The following GAB1 variants were observed in gnomAD, a reference collection of about 807,000 sequenced individuals.
GAB1 encodes GRB2 associated binding protein 1.
GAB1 carries 19 observed loss-of-function variants against 66.5 expected under a neutral mutation model. The observed-to-expected ratio is 0.29, with a 90% confidence interval of 0.20 to 0.42. The LOEUF (loss-of-function observed/expected upper bound fraction) is 0.42, where lower values mean the gene tolerates loss of function less well. Among genes scored for constraint, GAB1 ranks in the 10% least tolerant of loss-of-function variants. GAB1 has a pLI of 1.00. For missense variants in GAB1, 732 were observed against 858.5 expected (o/e 0.85, Z 1.84); for synonymous variants, 294 against 301.4 (o/e 0.98, Z 0.25).
At chr4:143,448,548 A>G (rs1335825747) in intron 6 of GAB1, among the ~76,000 whole-genome samples, 4 of 151,348 alleles carry the variant, frequency 2.6e-5, no homozygotes, top group African/African-American at 9.8e-5. Context: ...GAATTTATCC[A>G]TTTCTTCTAG....
chr4:143,376,478 A>G (rs1560727523), intron 1 of GAB1, among the ~76,000 whole-genome samples: 1 of 152,236 alleles, frequency 6.6e-6, no homozygotes, highest in Non-Finnish European at 1.5e-5. Flanking sequence ...TGGGCTTCAT[A>G]TGAGGCTATT....
intron 1 of GAB1, among the ~76,000 whole-genome samples, chr4:143,399,224 G>A (rs938624803): frequency 6.6e-6 from 1 of 152,180 alleles, no homozygotes; most frequent in Admixed American, 6.5e-5. Flanking sequence ...CCAGTAAATT[G>A]TCTTCTTAAA....
At chr4:143,441,133 G>A (rs892517144) in intron 6 of GAB1, among the ~76,000 whole-genome samples, 1 of 152,008 alleles carries the variant, frequency 6.6e-6, no homozygotes, top group Non-Finnish European at 1.5e-5. Flanking sequence ...AAGTTCTAAG[G>A]TAACATAGTT....
At chr4:143,351,797 G>A (rs1289466249) in intron 1 of GAB1, among the ~76,000 whole-genome samples, 1 of 152,196 alleles carries the variant, frequency 6.6e-6, no homozygotes, top group East Asian at 1.9e-4. Flanking sequence ...AAGCAGGGAT[G>A]CTACTAAACA....
At chr4:143,433,946 C>A in intron 3 of GAB1, 1 of 623,884 alleles carries the variant, frequency 1.6e-6, no homozygotes, top group Non-Finnish European at 2.7e-6. Flanking sequence ...TGGCAAAGAG[C>A]AGTTTTCCCT....
chr4:143,350,491 A>G lies in GAB1; in HGVS notation c.72+13231A>G, dbSNP rs946325144. On this transcript the variant is annotated intron_variant, in intron 1 of 9. Coordinates refer to ENST00000262994, the MANE Select transcript of GAB1 (RefSeq NM_002039.4). ...TCGGGAGACAGAGACCAGCCTGGCCAACATGGTAAAACCCCGTCTATACTA... is the reference window on the plus strand; with the variant it reads ...TCGGGAGACAGAGACCAGCCTGGCCGACATGGTAAAACCCCGTCTATACTA... 7.2e-5 allele frequency among the ~76,000 whole-genome samples: 11 copies of G among 152,212 alleles called. No homozygotes were observed. The South Asian group carries it at 2.1e-3, about 29-fold the overall frequency.
chr4:143,379,820 T>C (rs1730580593), intron 1 of GAB1, among the ~76,000 whole-genome samples: 1 of 151,886 alleles, frequency 6.6e-6, no homozygotes, highest in South Asian at 2.1e-4. Flanking sequence ...ACTCCTGGGC[T>C]CAAGCTATCC....
chr4:143,379,901 T>C (rs11100786), intron 1 of GAB1, among the ~76,000 whole-genome samples: 67,068 of 150,888 alleles, frequency 0.44, 15,414 homozygotes, highest in South Asian at 0.56. Flanking sequence ...ATGTATTAAG[T>C]AAGGTAATTT....
At chr4:143,443,265 C>A (rs775137999) in intron 6 of GAB1, among the ~76,000 whole-genome samples, 8 of 152,076 alleles carry the variant, frequency 5.3e-5, no homozygotes, top group Non-Finnish European at 1.0e-4. Flanking sequence ...ATCTACCTGC[C>A]TCGGCCTTCC....
intron 1 of GAB1, among the ~76,000 whole-genome samples, chr4:143,348,322 C>T (rs915092375): frequency 1.3e-5 from 2 of 152,200 alleles, no homozygotes; most frequent in African/African-American, 2.4e-5. Context: ...TCCAAAACTG[C>T]TTATATAGCC....
At chr4:143,391,217 G>T (rs779084907) in intron 1 of GAB1, among the ~76,000 whole-genome samples, 1 of 152,106 alleles carries the variant, frequency 6.6e-6, no homozygotes, top group Non-Finnish European at 1.5e-5. Flanking sequence ...TTTGTTCTGG[G>T]GAAGAGGAAT....
At chr4:143,434,714 A>C (rs1308504391) in intron 3 of GAB1, among the ~76,000 whole-genome samples, 1 of 152,114 alleles carries the variant, frequency 6.6e-6, no homozygotes, top group Non-Finnish European at 1.5e-5. Flanking sequence ...TGAAGGAATG[A>C]ATCATCAAGC....
intron 2 of GAB1, 26 bp from the exon 3 acceptor site, chr4:143,433,465 G>A (rs1470064982): frequency 1.3e-6 from 2 of 1,548,640 alleles, no homozygotes; most frequent in Admixed American, 1.7e-5. Flanking sequence ...TGTGATAGAC[G>A]TGATAGTTAA....
At chr4:143,436,698 T>C (rs1733959157) in intron 3 of GAB1, among the ~76,000 whole-genome samples, 1 of 152,208 alleles carries the variant, frequency 6.6e-6, no homozygotes, top group African/African-American at 2.4e-5. Context: ...GATAAAGTCA[T>C]TTCTTTCAAT....
intron 1 of GAB1, among the ~76,000 whole-genome samples, chr4:143,351,515 C>T (rs545463219): frequency 6.6e-6 from 1 of 152,244 alleles, no homozygotes; most frequent in South Asian, 2.1e-4. Flanking sequence ...TTTATAGGCA[C>T]AGGATGGGGG....
intron 8 of GAB1, among the ~76,000 whole-genome samples, chr4:143,464,725 C>T (rs1159757077): frequency 1.3e-5 from 2 of 152,208 alleles, no homozygotes; most frequent in Non-Finnish European, 2.9e-5. Context: ...AGAGCTGTCT[C>T]ACCCCAGTGC....
At chr4:143,441,067 A>G (rs904480491) in intron 6 of GAB1, among the ~76,000 whole-genome samples, 4 of 152,194 alleles carry the variant, frequency 2.6e-5, no homozygotes, top group Admixed American at 1.3e-4. Context: ...TGCTGGGGTA[A>G]TACATGCTTC....
intron 1 of GAB1, among the ~76,000 whole-genome samples, chr4:143,413,450 A>G (rs1345490871): frequency 6.6e-6 from 1 of 152,172 alleles, no homozygotes; most frequent in Non-Finnish European, 1.5e-5. Context: ...GACACAAATT[A>G]TATACTTATT....
chr4:143,343,391 T>G (rs1387128799), intron 1 of GAB1: 7 of 154,534 alleles, frequency 4.5e-5, no homozygotes, highest in Non-Finnish European at 2.9e-5. Flanking sequence ...AAGGCAGACC[T>G]GCATGCAGGG....
Sources: gnomAD v4.1 joint callset for allele counts (sites outside exome capture counted in the v4.1 genomes callset) on GRCh38, gnomAD v4.1.1 for gene constraint, MANE v1.5 for transcripts, NCBI Gene and HGNC (gene_info 2026-07-23, HGNC 2026-07-21) for gene names.